PLEKHM1: variants seen among roughly 807,000 people sequenced by gnomAD.
PLEKHM1 encodes pleckstrin homology domain-containing family M member 1.
In PLEKHM1, 28 loss-of-function variants were observed where a neutral mutation model predicts 94.3. The ratio of observed to expected loss-of-function variants is 0.30; its 90% CI spans 0.22 to 0.41. PLEKHM1 has a LOEUF of 0.41. PLEKHM1 is among the 10% of genes least tolerant of loss of function. The pLI is 1.00. For synonymous variants in PLEKHM1, 424 were observed against 581.2 expected, an observed-to-expected ratio of 0.73 and a Z score of 3.89; for missense variants, 907 against 1,358.6, an observed-to-expected ratio of 0.67 and a Z score of 5.22.
At chr17:45,456,264 T>A (rs149698500) in intron 6 of PLEKHM1, 1 of 152,372 alleles carries the variant, frequency 6.6e-6, no homozygotes, top group Non-Finnish European at 1.5e-5. Flanking sequence ...CCGTCTCCTC[T>A]ACTAGAATCT....
rs748537332 is a variant in PLEKHM1 at position 45,453,894 on chromosome 17, C to A, written c.1958G>T (p.Gly653Val). 2.0e-5 allele frequency: 32 copies of A among 1,613,832 alleles called. No individual in the cohort carries two copies. The highest frequency in any genetic ancestry group is 2.5e-5 in the Non-Finnish European group (29 of 1,179,762). ...QPEEPPEAPQ[G>V]CLSPSDLLSE... The stretch of plus-strand genomic sequence containing the variant: ...GAGCAGGTCTGAGGGAGAGAGGCAG[C>A]CCTGGGGCGCCTCGGGGGGTTCCTC... The change falls in exon 7 of 12, where the codon GGC becomes GTC. Residue 653 changes from glycine (G) to valine (V), a missense_variant. Coordinates refer to ENST00000430334, the MANE Select transcript of PLEKHM1 (RefSeq NM_014798.3). The surrounding 1 kb of genome is among the most constrained non-coding windows in gnomAD (Gnocchi z 4.1).
chr17:45,480,340 C>T (rs145899749), intron 2 of PLEKHM1, among the ~76,000 whole-genome samples: 354 of 152,120 alleles, frequency 2.3e-3, no homozygotes, highest in African/African-American at 8.0e-3. Context: ...AAAAATTAGC[C>T]GGGCATGGTG....
chr17:45,442,195 C>T (rs2050469247), intron 9 of PLEKHM1, among the ~76,000 whole-genome samples: 2 of 152,164 alleles, frequency 1.3e-5, no homozygotes, highest in Admixed American at 1.3e-4. Flanking sequence ...GGAGAGAACC[C>T]TGCCAGGCAG....
In PLEKHM1 at chr17:45,440,182, C is replaced by T; in HGVS notation, c.2882G>A (p.Ser961Asn). The change falls in exon 10 of 12, where the codon AGT (serine) becomes AAT (asparagine). Residue 961 changes from serine (S) to asparagine (N), a missense_variant. Around this residue, in one of 3 missense-constraint regions of PLEKHM1, gnomAD observed 254 missense variants for 451.1 expected, o/e 0.56. Coordinates refer to ENST00000430334, the MANE Select transcript of PLEKHM1 (RefSeq NM_014798.3). ...NYLLESPHRF[S>N]VADLQQIADG... ...TCTTACCTGTTGGAGGTCAGCAACA[C>T]TGAACCTATGCGGAGATTCCAAGAG... 1 of 1,614,098 alleles carries T rather than the reference C, an allele frequency of 6.2e-7. No individual in the cohort carries two copies. The highest frequency in any genetic ancestry group is 8.5e-7 in the Non-Finnish European group (1 of 1,179,926).
At chr17:45,463,316 C>T (rs922261528) in intron 5 of PLEKHM1, among the ~76,000 whole-genome samples, 1 of 152,144 alleles carries the variant, frequency 6.6e-6, no homozygotes, top group African/African-American at 2.4e-5. Context: ...GCTGTGTGCC[C>T]CTGGCCCCAG....
At position 45,436,092 on chromosome 17, in the gene PLEKHM1, T is replaced by A; in HGVS notation, c.*1766A>T. The A allele has an allele frequency of 2.2e-6, 1 of 456,542 alleles. No individual in the cohort carries two copies. The highest frequency in any genetic ancestry group is 1.5e-5 in the South Asian group (1 of 64,578). 28.3% of individuals were successfully genotyped at this position (456,542 alleles called of 1,614,324 possible). A position where few individuals can be genotyped will look rare whatever the true frequency, so the allele number is the denominator to read the frequency against. On this transcript the variant is annotated 3_prime_UTR_variant, in exon 12 of 12. Transcript: ENST00000430334. ...AGGGGAGGCGGGAAGAGTCAATGCA[T>A]CTGAAAGCACTGGCAGCTTCTGGGG... is the stretch of plus-strand genomic sequence containing the variant.
intron 2 of PLEKHM1, among the ~76,000 whole-genome samples, chr17:45,480,641 T>C (rs1379462883): frequency 2.0e-5 from 3 of 152,260 alleles, no homozygotes; most frequent in Admixed American, 1.3e-4. Flanking sequence ...TCTGTGGCTT[T>C]GCATATTTTG....
Position 45,436,983 on chromosome 17 carries a change from T to G in PLEKHM1, c.*875A>C. On this transcript the variant is annotated 3_prime_UTR_variant, in exon 12 of 12. Coordinates refer to ENST00000430334, the MANE Select transcript of PLEKHM1 (RefSeq NM_014798.3). ...GAGCATCTGCAGCAGCGCCCCTGTC[T>G]GTAGAGGGGTGAGGAGCGCACGGGG... 4.4e-6 allele frequency: 2 copies of G among 450,498 alleles called. No homozygotes were observed. Among genetic ancestry groups the G allele is most frequent in the Non-Finnish European group, 8.9e-6 (2 of 223,644 alleles). 27.9% of individuals were successfully genotyped at this position (450,498 alleles called of 1,614,324 possible).
intron 6 of PLEKHM1, among the ~76,000 whole-genome samples, chr17:45,455,150 G>A (rs948160216): frequency 6.6e-6 from 1 of 152,058 alleles, no homozygotes; most frequent in Non-Finnish European, 1.5e-5. Context: ...AAAACCTCTT[G>A]GTCTCTAGTT....
At chr17:45,477,228 A>T (rs1009946863) in intron 3 of PLEKHM1, 5 of 159,314 alleles carry the variant, frequency 3.1e-5, no homozygotes, top group Admixed American at 1.2e-4. Flanking sequence ...CAAGGTCAGG[A>T]GTTTGAGAGC....
At chr17:45,468,166 G>A (rs749513631) in intron 5 of PLEKHM1, 43 bp downstream of exon 5, 1 of 1,612,216 alleles carries the variant, frequency 6.2e-7, no homozygotes, top group Non-Finnish European at 8.5e-7. Context: ...TGTGTCAGCT[G>A]ACATTTCCCA....
At chr17:45,452,132 G>A (rs1473604645) in intron 7 of PLEKHM1, among the ~76,000 whole-genome samples, 1 of 152,158 alleles carries the variant, frequency 6.6e-6, no homozygotes, top group South Asian at 2.1e-4. Flanking sequence ...CCATGGTGAT[G>A]GGATGCCATC....
At chr17:45,441,944 G>A (rs1369679004) in intron 9 of PLEKHM1, among the ~76,000 whole-genome samples, 1 of 152,200 alleles carries the variant, frequency 6.6e-6, no homozygotes, top group East Asian at 1.9e-4. Context: ...GAAGTGATGG[G>A]GAAGGAAAGG....
Position 45,438,812 on chromosome 17 carries a change from C to T in PLEKHM1, c.3059+665G>A, listed in dbSNP as rs140101425. Among the ~76,000 whole-genome samples, 914 of 152,232 alleles carry T rather than the reference C, an allele frequency of 6.0e-3. 7 individuals are homozygous for T. Among genetic ancestry groups the T allele is most frequent in the African/African-American group, 0.021 (868 of 41,558 alleles). ...CCTCAAGTGATCCACCTGCCTTGGCCTCCCAAAGTTGTGGGATTACAGGCG... is the reference window on the plus strand; with the variant it reads ...CCTCAAGTGATCCACCTGCCTTGGCTTCCCAAAGTTGTGGGATTACAGGCG... On this transcript the variant is annotated intron_variant, in intron 11 of 11. Transcript: ENST00000430334.
At chr17:45,479,045 G>T in intron 2 of PLEKHM1, among the ~76,000 whole-genome samples, 1 of 148,386 alleles carries the variant, frequency 6.7e-6, no homozygotes. Context: ...TTTGGGAAGT[G>T]GTTTCTGGTG....
In PLEKHM1 at chr17:45,453,318, C is replaced by T. The variant is rs1349144214; in HGVS notation, c.2497+37G>A. The T allele has an allele frequency of 6.3e-7, 1 of 1,598,126 alleles. No homozygotes were observed. Among genetic ancestry groups the T allele is most frequent in the Non-Finnish European group, 8.5e-7 (1 of 1,172,340 alleles). On this transcript the variant is annotated intron_variant, in intron 7 of 11. Transcript: ENST00000430334. The surrounding 1 kb of genome is among the most constrained non-coding windows in gnomAD (Gnocchi z 4.1). ...GGAACCAGCAGGAGGTGGAGTGAGG[C>T]TGGCAGGCTGGGGGTGGCAGCAGAG... is the stretch of plus-strand genomic sequence containing the variant.
chr17:45,438,650 G>A (rs1465519528), intron 11 of PLEKHM1, among the ~76,000 whole-genome samples: 3 of 152,036 alleles, frequency 2.0e-5, no homozygotes, highest in Admixed American at 6.5e-5. Context: ...TCTGCCTCCC[G>A]AATTCAAGTG....
At chr17:45,478,421 T>C (rs2051829031) in intron 2 of PLEKHM1, among the ~76,000 whole-genome samples, 1 of 152,220 alleles carries the variant, frequency 6.6e-6, no homozygotes, top group Non-Finnish European at 1.5e-5. Flanking sequence ...TACTTTTTGT[T>C]TTTTAGACCA....
intron 4 of PLEKHM1, among the ~76,000 whole-genome samples, chr17:45,471,550 G>A (rs1469582792): frequency 6.6e-6 from 1 of 151,728 alleles, no homozygotes; most frequent in African/African-American, 2.4e-5. Flanking sequence ...ATCACCTGAG[G>A]TCAGGAGTTC....
Sources: gnomAD v4.1 joint callset for allele counts (sites outside exome capture counted in the v4.1 genomes callset) on GRCh38, gnomAD v4.1.1 for gene constraint, gnomAD v4.1.1 regional missense constraint, Gnocchi (gnomAD v3.1) non-coding constraint, MANE v1.5 for transcripts, NCBI Gene and HGNC (gene_info 2026-07-23, HGNC 2026-07-21) for gene names.